The following DCDC2 variants were observed in gnomAD, a reference collection of about 807,000 sequenced individuals.
DCDC2 encodes the protein doublecortin domain containing 2, also known as doublecortin domain-containing protein 2.
Under a neutral mutation model 50.2 loss-of-function variants are expected in DCDC2, and 40 were observed. The ratio of observed to expected loss-of-function variants is 0.80; its 90% CI spans 0.62 to 1.04. DCDC2 has a LOEUF of 1.04. Ranked by LOEUF, DCDC2 falls within the 50% of genes least tolerant of loss-of-function variation. DCDC2 has a pLI of 0.00. For synonymous variants in DCDC2, 234 were observed against 210.6 expected, an observed-to-expected ratio of 1.11 and a Z score of -0.96; for missense variants, 570 against 581.9, an observed-to-expected ratio of 0.98 and a Z score of 0.21.
chr6:24,328,531 T>G (rs1759914052), intron 2 of DCDC2, among the ~76,000 whole-genome samples: 1 of 152,188 alleles, frequency 6.6e-6, no homozygotes, highest in African/African-American at 2.4e-5. Context: ...TCTGCCAAGT[T>G]TGAGGGCCAA....
At chr6:24,273,486 G>C (rs912934098) in intron 7 of DCDC2, among the ~76,000 whole-genome samples, 3 of 152,244 alleles carry the variant, frequency 2.0e-5, no homozygotes, top group African/African-American at 7.2e-5. Context: ...GTGGTGGCAA[G>C]AGACACCAAT....
intron 6 of DCDC2, among the ~76,000 whole-genome samples, chr6:24,281,125 A>C (rs1428216488): frequency 2.0e-5 from 3 of 152,172 alleles, no homozygotes; most frequent in Admixed American, 2.0e-4. Context: ...CCGATTTATC[A>C]AATTTCTGAT....
chr6:24,207,078 C>T (rs899780917), intron 7 of DCDC2, among the ~76,000 whole-genome samples: 1 of 152,004 alleles, frequency 6.6e-6, no homozygotes, highest in Non-Finnish European at 1.5e-5. Context: ...AAATTAAAGG[C>T]AGAATATTAA....
At chr6:24,252,293 T>C (rs970963596) in intron 7 of DCDC2, among the ~76,000 whole-genome samples, 1 of 152,230 alleles carries the variant, frequency 6.6e-6, no homozygotes, top group Non-Finnish European at 1.5e-5. Context: ...TATTTAACTA[T>C]ACTATAATTT....
intron 7 of DCDC2, among the ~76,000 whole-genome samples, chr6:24,215,230 C>T (rs578233573): frequency 5.3e-5 from 8 of 152,274 alleles, no homozygotes; most frequent in African/African-American, 1.9e-4. Flanking sequence ...GAAGAATCAG[C>T]ATATGCAAAG....
intron 7 of DCDC2, among the ~76,000 whole-genome samples, chr6:24,217,335 T>A (rs1762005513): frequency 1.3e-5 from 2 of 152,214 alleles, no homozygotes; most frequent in African/African-American, 4.8e-5. Context: ...TTTCAAAAGT[T>A]ATTGATCCCA....
At chr6:24,373,657 C>G in the DCDC2 span, among the ~76,000 whole-genome samples, 1 of 152,176 alleles carries the variant, frequency 6.6e-6, no homozygotes, top group Non-Finnish European at 1.5e-5. Context: ...CTAGCGGGAG[C>G]ACATGGGGTT....
chr6:24,336,877 C>T (rs1445011228), intron 2 of DCDC2, among the ~76,000 whole-genome samples: 3 of 152,134 alleles, frequency 2.0e-5, no homozygotes, highest in African/African-American at 7.2e-5. Flanking sequence ...AGGTACAGTG[C>T]TAGGAGCTAA....
intron 2 of DCDC2, among the ~76,000 whole-genome samples, chr6:24,341,657 G>A (rs1760157031): frequency 1.3e-5 from 2 of 152,118 alleles, no homozygotes; most frequent in African/African-American, 4.8e-5. Context: ...GGTCATAGAT[G>A]TAGGCTGAAT....
intron 9 of DCDC2, among the ~76,000 whole-genome samples, chr6:24,176,743 G>T: frequency 6.6e-6 from 1 of 152,142 alleles, no homozygotes; most frequent in East Asian, 1.9e-4. Flanking sequence ...CAGAAATTTT[G>T]TATCATTTGA....
At chr6:24,289,968 CTTCTTTTTTTTTTTTTTTTTTTTTTT>C (rs1561760476) in intron 5 of DCDC2, among the ~76,000 whole-genome samples, 1 of 100,814 alleles carries the variant, frequency 9.9e-6, no homozygotes, top group Non-Finnish European at 2.0e-5. Flanking sequence ...GGCCAGAGCT[CTTCTTTTTTTTTTTTTTTTTTTTTTT>C]TTTTTTTTTT....
chr6:24,222,772 T>C (rs1017023299), intron 7 of DCDC2, among the ~76,000 whole-genome samples: 9 of 152,272 alleles, frequency 5.9e-5, no homozygotes, highest in Non-Finnish European at 1.3e-4. Context: ...AGCATATCCA[T>C]AAGGCAATAG....
chr6:24,373,717 G>C, the DCDC2 span, among the ~76,000 whole-genome samples: 1 of 152,164 alleles, frequency 6.6e-6, no homozygotes, highest in Non-Finnish European at 1.5e-5. Context: ...GGAGTGGTAC[G>C]TCTTTGTATT....
intron 7 of DCDC2, among the ~76,000 whole-genome samples, chr6:24,213,733 G>C (rs1427403646): frequency 6.6e-6 from 1 of 152,076 alleles, no homozygotes; most frequent in Non-Finnish European, 1.5e-5. Context: ...ATGAAGCTTA[G>C]CAAGTAATGA....
intron 8 of DCDC2, among the ~76,000 whole-genome samples, chr6:24,182,389 C>T (rs1761093674): frequency 6.6e-6 from 1 of 151,628 alleles, no homozygotes; most frequent in South Asian, 2.1e-4. Context: ...GAATGGGAGG[C>T]AATATTTGCA....
At chr6:24,223,207 T>C (rs1403522145) in intron 7 of DCDC2, among the ~76,000 whole-genome samples, 1 of 152,236 alleles carries the variant, frequency 6.6e-6, no homozygotes, top group Non-Finnish European at 1.5e-5. Context: ...TCTAAGAATA[T>C]TCACACAGTC....
At chr6:24,264,364 T>C (rs1763072377) in intron 7 of DCDC2, among the ~76,000 whole-genome samples, 1 of 152,176 alleles carries the variant, frequency 6.6e-6, no homozygotes, top group Non-Finnish European at 1.5e-5. Context: ...ATGTGTAAAC[T>C]GGTAATATCT....
At chr6:24,275,066 C>T (rs1330064710) in intron 7 of DCDC2, among the ~76,000 whole-genome samples, 1 of 152,060 alleles carries the variant, frequency 6.6e-6, no homozygotes. Context: ...AGTTCTTACA[C>T]CCTTCACTTT....
chr6:24,326,194 A>AAGGAAGGAAGG (rs1187620964), intron 2 of DCDC2, among the ~76,000 whole-genome samples: 5 of 72,358 alleles, frequency 6.9e-5, no homozygotes, highest in Admixed American at 2.9e-4. Context: ...AGGAAGGAAG[A>AAGGAAGGAAGG]AAGGAAGGAA....
Sources: allele counts gnomAD v4.1 joint callset (sites outside exome capture counted in the v4.1 genomes callset), GRCh38; gene constraint gnomAD v4.1.1; transcripts MANE v1.5; gene names NCBI Gene and HGNC (gene_info 2026-07-23, HGNC 2026-07-21).